The following PKN3 variants were observed in gnomAD, a reference collection of about 807,000 sequenced individuals.
PKN3 encodes protein kinase N3.
A neutral mutation model predicts 113.1 loss-of-function variants in PKN3; 91 were observed. That is an observed-to-expected ratio of 0.80 (90% CI 0.68 to 0.96). PKN3 has a LOEUF of 0.96. PKN3 is among the 40% of genes least tolerant of loss of function. PKN3 has a pLI of 0.00. For synonymous variants in PKN3, 467 were observed against 499.0 expected (o/e 0.94, Z 0.85); for missense variants, 1,052 against 1,202.2 (o/e 0.88, Z 1.85).
intron 15 of PKN3, among the ~76,000 whole-genome samples, chr9:128,716,055 C>G (rs1226277570): frequency 6.6e-6 from 1 of 150,990 alleles, no homozygotes; most frequent in Non-Finnish European, 1.5e-5. Context: ...GCCTGTAATC[C>G]CAGCACTTCA....
intron 16 of PKN3, among the ~76,000 whole-genome samples, chr9:128,718,034 CAAAAAAA>C (rs1183390774): frequency 8.1e-6 from 1 of 123,904 alleles, no homozygotes; most frequent in African/African-American, 3.0e-5. Context: ...GACTCCGTCT[CAAAAAAA>C]AAAAAAATAG....
chr9:128,719,185 T>C (rs958349592), intron 18 of PKN3, among the ~76,000 whole-genome samples: 104 of 140,914 alleles, frequency 7.4e-4, no homozygotes, highest in Non-Finnish European at 1.3e-3. Context: ...CGTGAGCCAC[T>C]GCGCCCGGCT....
Position 128,704,046 on chromosome 9 carries a change from C to G in PKN3, c.24+1107C>G, listed in dbSNP as rs1054542069. On this transcript the variant is annotated intron_variant, in intron 1 of 21. Coordinates refer to ENST00000291906, the MANE Select transcript of PKN3 (RefSeq NM_013355.5). ...CTCTGACAGCTGGGCCAGCAGGCCC[C>G]GCTGAGGTCTGGGGTGGGGGGGTCC... 1.3e-5 allele frequency: 12 copies of G among 933,660 alleles called. No homozygotes were observed. In the African/African-American group the frequency reaches 2.0e-4, roughly 16 times the overall value. The allele number at this position is 933,660 out of a possible 1,614,324, so 57.8% of individuals were successfully genotyped here.
Position 128,713,593 on chromosome 9 carries a change from G to A in PKN3, c.1187G>A (p.Cys396Tyr), listed in dbSNP as rs908923569. The stretch of plus-strand genomic sequence containing the variant: ...CTTGAGGACTTCCTGGACAATGCCT[G>A]TCACCAACTGTCCCTCAGCCTGGTA... ...LRLEDFLDNA[C>Y]HQLSLSLVPQ... The change falls in exon 9 of 22, where the codon TGT becomes TAT. Residue 396 changes from cysteine to tyrosine, a missense_variant. By Grantham distance (194) the Cys-to-Tyr change is radical. Coordinates refer to ENST00000291906, the MANE Select transcript of PKN3 (RefSeq NM_013355.5). 1.2e-6 allele frequency: 2 copies of A among 1,613,810 alleles called. No individual in the cohort carries two copies. Among genetic ancestry groups the A allele is most frequent in the Non-Finnish European group, 1.7e-6 (2 of 1,180,002 alleles).
In PKN3 at chr9:128,708,735, G is replaced by A. The variant is rs532667664; in HGVS notation, c.835+1330G>A. On this transcript the variant is annotated intron_variant, in intron 6 of 21. Coordinates refer to ENST00000291906, the MANE Select transcript of PKN3 (RefSeq NM_013355.5). ...GCGCATGCCTGTAATCCCATCTACT[G>A]GGGAGGCTGAGGCAAGAGAATTGCT... Among the ~76,000 whole-genome samples the A allele has an allele frequency of 5.1e-4, 75 of 148,266 alleles. 1 individual carries two copies. The South Asian group carries it at 0.015, about 31-fold the overall frequency.
At chr9:128,707,174 C>G (rs757773808) in intron 5 of PKN3, 48 bp from the exon 6 acceptor site, 6 of 1,581,294 alleles carry the variant, frequency 3.8e-6, no homozygotes, top group South Asian at 1.1e-5. Context: ...GGCTGCTGCC[C>G]CCTGCCATAT....
At chr9:128,705,205 G>A (rs967413052) in intron 1 of PKN3, 98 bp from the exon 2 acceptor site, 32 of 1,453,636 alleles carry the variant, frequency 2.2e-5, no homozygotes, top group South Asian at 1.3e-4. Flanking sequence ...CCTGGGTGCC[G>A]TCCCTTCCTT....
Position 128,720,533 on chromosome 9 carries a change from G to A in PKN3, c.2597G>A (p.Ser866Asn), listed in dbSNP as rs765680291. The change falls in exon 22 of 22, where the codon AGC becomes AAC. Residue 866 changes from serine to asparagine, a missense_variant. Ser to Asn is a conservative substitution (Grantham distance 46). This residue lies in a region of PKN3 where 333 missense variants were observed against 442.8 expected (regional missense o/e 0.75). Transcript: ENST00000291906. The surrounding 1 kb of genome is among the most constrained non-coding windows in gnomAD (Gnocchi z 5.5). The stretch of plus-strand genomic sequence containing the variant: ...GCCCTGACCCCACCTGCACCCCACA[G>A]CCTCCTCACTGCCCGCCAACAGGCC... ...PPALTPPAPH[S>N]LLTARQQAAF... 2 of 1,613,446 alleles carry A rather than the reference G, an allele frequency of 1.2e-6. No homozygotes were observed. The highest frequency in any genetic ancestry group is 2.2e-5 in the South Asian group (2 of 91,086).
At chr9:128,707,100 T>A in intron 5 of PKN3, 77 bp downstream of exon 5, 1 of 1,600,234 alleles carries the variant, frequency 6.2e-7, no homozygotes, top group South Asian at 1.1e-5. Context: ...GAAGGGAGGG[T>A]GGCCGTGTAA....
Position 128,707,438 on chromosome 9 carries a change from CCTT to C in PKN3, c.835+37_835+39del, listed in dbSNP as rs759974170. The C allele has an allele frequency of 2.0e-5, 31 of 1,555,712 alleles. No individual in the cohort carries two copies. In the East Asian group the frequency reaches 3.4e-4, roughly 17 times the overall value. Reference sequence around the variant, plus strand: ...GAAGTTCCTCCCCCTTCAAAGCTCTCCTTCTTTTTGGGGGGAGGCCGGAAGCAC... The same window carrying C: ...GAAGTTCCTCCCCCTTCAAAGCTCTCCTTTTTGGGGGGAGGCCGGAAGCAC... On this transcript the variant is annotated intron_variant, in intron 6 of 21. Coordinates refer to ENST00000291906, the MANE Select transcript of PKN3 (RefSeq NM_013355.5).
At position 128,714,189 on chromosome 9, in the gene PKN3, T is replaced by A; in HGVS notation, c.1313-8T>A. The A allele has an allele frequency of 6.2e-7, 1 of 1,613,924 alleles. No homozygotes were observed. Among genetic ancestry groups the A allele is most frequent in the Non-Finnish European group, 8.5e-7 (1 of 1,179,940 alleles). Reference sequence around the variant, plus strand: ...GGTCCCGGGACTAAGCTCCCCCTTTTCTCCCAGGCCAGGACTTCCTGAGGG... The same window carrying A: ...GGTCCCGGGACTAAGCTCCCCCTTTACTCCCAGGCCAGGACTTCCTGAGGG... On this transcript the variant is annotated splice_polypyrimidine_tract_variant and splice_region_variant and intron_variant, in intron 10 of 21. Transcript: ENST00000291906.
chr9:128,705,629 C>G (rs1861990619), intron 2 of PKN3, 86 bp downstream of exon 2: 1 of 1,540,916 alleles, frequency 6.5e-7, no homozygotes, highest in Non-Finnish European at 8.8e-7. Flanking sequence ...TGTGGCGAGA[C>G]CACCTCATTT....
In PKN3 at chr9:128,718,621, G is replaced by C. The variant is rs759692226; in HGVS notation, c.2121G>C (p.Lys707Asn). ...AGATCGCAGACTTTGGACTCTGCAA[G>C]GAAGGTGGGGGCCGCCCATTGGGAT... ...FLKIADFGLC[K>N]EGIGFGDRTS... The change falls in exon 18 of 22, where the codon AAG becomes AAC. Residue 707 changes from lysine (K) to asparagine (N), a missense_variant. Coordinates refer to ENST00000291906, the MANE Select transcript of PKN3 (RefSeq NM_013355.5). 2 of 1,613,954 alleles carry C rather than the reference G, an allele frequency of 1.2e-6. No homozygotes were observed. Among genetic ancestry groups the C allele is most frequent in the East Asian group, 4.5e-5 (2 of 44,878 alleles).
At chr9:128,716,441 T>A (rs1862340766) in intron 15 of PKN3, among the ~76,000 whole-genome samples, 1 of 151,110 alleles carries the variant, frequency 6.6e-6, no homozygotes, top group Non-Finnish European at 1.5e-5. Context: ...CTACTAAAAA[T>A]ACAAAAATTA....
In PKN3 at chr9:128,713,539, G is replaced by A. The variant is rs764618362; in HGVS notation, c.1133G>A (p.Arg378Gln). The A allele has an allele frequency of 5.6e-6, 9 of 1,613,904 alleles. No individual in the cohort carries two copies. The highest frequency in any genetic ancestry group is 2.2e-5 in the South Asian group (2 of 91,086). The part of the protein sequence containing the change: ...LEIGVHWRDW[R>Q]QLCGVAFLRL... ...ATTGGGGTACACTGGCGGGACTGGCGGCAGCTATGTGGCGTGGCCTTCCTG... is the reference window on the plus strand; with the variant it reads ...ATTGGGGTACACTGGCGGGACTGGCAGCAGCTATGTGGCGTGGCCTTCCTG... Residue 378 changes from arginine (R) to glutamine (Q), a missense_variant, in exon 9 of 22, where the codon CGG becomes CAG. Physicochemically the swap from Arg to Gln is conservative, Grantham distance 43. Around this residue, in one of 2 missense-constraint regions of PKN3, gnomAD observed 719 missense variants for 759.4 expected, o/e 0.95. Coordinates refer to ENST00000291906, the MANE Select transcript of PKN3 (RefSeq NM_013355.5).
chr9:128,717,702 A>T (rs1475388672), intron 16 of PKN3, among the ~76,000 whole-genome samples: 1 of 136,286 alleles, frequency 7.3e-6, no homozygotes, highest in East Asian at 2.3e-4. Context: ...CGGTCTGGCG[A>T]CAGAGTGAGA....
At position 128,720,276 on chromosome 9, in the gene PKN3, T is replaced by G. The variant is rs764933214; in HGVS notation, c.2450T>G (p.Phe817Cys). The part of the protein sequence containing the change: ...QDAEEIKVQP[F>C]FRTTNWQALL... The stretch of plus-strand genomic sequence containing the variant: ...GCCGAGGAGATCAAGGTCCAGCCAT[T>G]CTTCAGGGTGAGCGGCTGGGGTGGC... The change falls in exon 21 of 22, where the codon TTC becomes TGC. Residue 817 changes from phenylalanine to cysteine, a missense_variant. By Grantham distance (205) the Phe-to-Cys change is radical. Transcript: ENST00000291906. This position sits in a 1 kb window ranked among gnomAD's most constrained non-coding sequence, Gnocchi z 5.5. The G allele has an allele frequency of 1.9e-6, 3 of 1,613,936 alleles. No homozygotes were observed. In the Admixed American group the frequency reaches 5.0e-5, roughly 27 times the overall value.
At position 128,718,334 on chromosome 9, in the gene PKN3, G is replaced by A. The variant is rs1179352598; in HGVS notation, c.1995G>A (p.Val665=). 6.2e-7 allele frequency: 1 copy of A among 1,613,838 alleles called. No homozygotes were observed. The highest frequency in any genetic ancestry group is 1.3e-5 in the African/African-American group (1 of 74,898). ...VFPEPQARFY[V]ACVVLGLQFL... ...ATAACCACCCCTGCAGCTTCTACGT[G>A]GCTTGTGTTGTCCTGGGGCTGCAGT... The change falls in exon 17 of 22, where the codon GTG becomes GTA. Residue 665 remains valine, a synonymous_variant. Coordinates refer to ENST00000291906, the MANE Select transcript of PKN3 (RefSeq NM_013355.5).
Position 128,720,381 on chromosome 9 carries a change from C to A in PKN3, c.2458-13C>A. 1 of 1,613,018 alleles carries A rather than the reference C, an allele frequency of 6.2e-7. No homozygotes were observed. ...TGTTCCTGCCGTCTCAGGCGCCTCT[C>A]CTTTGCCCTCAGACCACCAACTGGC... On this transcript the variant is annotated splice_polypyrimidine_tract_variant and intron_variant, in intron 21 of 21. Transcript: ENST00000291906. The surrounding 1 kb of genome is among the most constrained non-coding windows in gnomAD (Gnocchi z 5.5).
Sources: gnomAD v4.1 joint callset for allele counts (sites outside exome capture counted in the v4.1 genomes callset) on GRCh38, gnomAD v4.1.1 for gene constraint, gnomAD v4.1.1 regional missense constraint, Gnocchi (gnomAD v3.1) non-coding constraint, MANE v1.5 for transcripts, NCBI Gene and HGNC (gene_info 2026-07-23, HGNC 2026-07-21) for gene names.